The following WDR59 variants were observed in gnomAD, a reference collection of about 807,000 sequenced individuals.
WDR59 encodes WD repeat domain 59, also known as GATOR2 complex protein WDR59.
Under a neutral mutation model 131.2 loss-of-function variants are expected in WDR59, and 100 were observed. The ratio of observed to expected loss-of-function variants is 0.76; its 90% CI spans 0.65 to 0.90. The LOEUF is 0.90. Ranked by LOEUF, WDR59 falls within the 40% of genes least tolerant of loss-of-function variation. The pLI is 0.00. For missense variants in WDR59, 1,203 were observed against 1,262.2 expected, an observed-to-expected ratio of 0.95 and a Z score of 0.71; for synonymous variants, 601 against 466.2, an observed-to-expected ratio of 1.29 and a Z score of -3.72.
At chr16:74,881,040 A>G (rs1339727722) in intron 25 of WDR59, among the ~76,000 whole-genome samples, 2 of 152,224 alleles carry the variant, frequency 1.3e-5, no homozygotes, top group African/African-American at 2.4e-5. Flanking sequence ...TGGCTGGGAA[A>G]GCGATCGCTT....
chr16:74,888,886 C>T (rs1424101454), intron 21 of WDR59, among the ~76,000 whole-genome samples: 1 of 152,178 alleles, frequency 6.6e-6, no homozygotes, highest in Non-Finnish European at 1.5e-5. Flanking sequence ...TTTGTCCTTT[C>T]AGGAAGATTA....
intron 7 of WDR59, among the ~76,000 whole-genome samples, chr16:74,939,715 G>A (rs2032072323): frequency 6.6e-6 from 1 of 152,124 alleles, no homozygotes; most frequent in South Asian, 2.1e-4. Context: ...CAGGCTGGGT[G>A]GAGTGGCTCA....
At chr16:74,943,111 C>T (rs897842688) in intron 6 of WDR59, among the ~76,000 whole-genome samples, 2 of 152,196 alleles carry the variant, frequency 1.3e-5, no homozygotes, top group African/African-American at 4.8e-5. Context: ...TAGTTTCTTA[C>T]AGAGCAGTAG....
At chr16:74,954,755 T>C (rs1567429226) in intron 3 of WDR59, among the ~76,000 whole-genome samples, 1 of 152,188 alleles carries the variant, frequency 6.6e-6, no homozygotes, top group Non-Finnish European at 1.5e-5. Context: ...AGATAAACAA[T>C]TACACAATGG....
intron 7 of WDR59, among the ~76,000 whole-genome samples, chr16:74,942,389 C>A (rs1302642795): frequency 6.6e-6 from 1 of 152,078 alleles, no homozygotes; most frequent in Admixed American, 6.6e-5. Context: ...TAGAATAGCG[C>A]CTGGGCTCCA....
chr16:74,979,495 AAAC>A (rs1567448598), intron 1 of WDR59, among the ~76,000 whole-genome samples: 111 of 150,244 alleles, frequency 7.4e-4, no homozygotes, highest in African/African-American at 2.4e-3. Context: ...CAAAACAAAC[AAAC>A]AAAAAAACAG....
At chr16:74,959,571 G>T (rs2033466076) in intron 2 of WDR59, 1 of 449,444 alleles carries the variant, frequency 2.2e-6, no homozygotes, top group South Asian at 1.6e-5. Context: ...AGACCAGCCT[G>T]GGCAACCTGG....
chr16:74,979,586 G>A lies in WDR59; in HGVS notation c.54+5378C>T, dbSNP rs2034318363. Among the ~76,000 whole-genome samples the A allele has an allele frequency of 2.0e-5, 3 of 151,650 alleles. No individual in the cohort carries two copies. The South Asian group carries it at 6.3e-4, about 32-fold the overall frequency. On this transcript the variant is annotated intron_variant, in intron 1 of 25. Transcript: ENST00000262144. The stretch of plus-strand genomic sequence containing the variant: ...ATGGAGTCTCGCTCTTGTCACCCAG[G>A]CTGGAGTGCAGTGGCACGATCTAGG...
In WDR59 at chr16:74,885,702, A is replaced by C; in HGVS notation, c.2640T>G (p.Ala880=). ...GACAGGAGACAAACTTCAACACTTCAGCTCGCTTCTCTCTCAGACCCCAAC... is the reference window on the plus strand; with the variant it reads ...GACAGGAGACAAACTTCAACACTTCCGCTCGCTTCTCTCTCAGACCCCAAC... The part of the protein sequence containing the change: ...LYRWGLREKR[A]EVLKFVSCPP... Residue 880 remains alanine (A), a synonymous_variant, in exon 25 of 26, where the codon GCT becomes GCG. Transcript: ENST00000262144. The C allele has an allele frequency of 6.2e-7, 1 of 1,614,140 alleles. No homozygotes were observed. Among genetic ancestry groups the C allele is most frequent in the South Asian group, 1.1e-5 (1 of 91,086 alleles).
At chr16:74,951,337 C>G (rs2032987936) in intron 4 of WDR59, 121 bp downstream of exon 4, 1 of 952,324 alleles carries the variant, frequency 1.1e-6, no homozygotes, top group African/African-American at 1.6e-5. Context: ...ACCCGCTGAC[C>G]ACCCGGGACC....
At chr16:74,903,006 T>G (rs1965626868) in intron 18 of WDR59, among the ~76,000 whole-genome samples, 1 of 152,164 alleles carries the variant, frequency 6.6e-6, no homozygotes, top group South Asian at 2.1e-4. Flanking sequence ...TGCCACTCAT[T>G]TTAGTCACAT....
intron 1 of WDR59, among the ~76,000 whole-genome samples, chr16:74,976,559 A>G (rs535248140): frequency 6.6e-6 from 1 of 150,754 alleles, no homozygotes; most frequent in Non-Finnish European, 1.5e-5. Context: ...CTCCTGCCTC[A>G]GCCTCCTGAG....
chr16:74,904,369 C>A, intron 17 of WDR59: 1 of 371,122 alleles, frequency 2.7e-6, no homozygotes, highest in South Asian at 3.3e-5. Flanking sequence ...CTACAAATAT[C>A]TACTATAGTT....
chr16:74,943,241 T>C (rs199985702), intron 6 of WDR59, among the ~76,000 whole-genome samples: 46 of 42,586 alleles, frequency 1.1e-3, no homozygotes, highest in Admixed American at 2.2e-3. Context: ...GCCTGCCCCC[T>C]TTTTTTTTTT....
intron 8 of WDR59, among the ~76,000 whole-genome samples, chr16:74,935,682 C>G (rs1041505982): frequency 6.6e-6 from 1 of 152,002 alleles, no homozygotes; most frequent in Non-Finnish European, 1.5e-5. Flanking sequence ...TGCAAAGTCC[C>G]TTTTCTAAGT....
At chr16:74,974,997 T>A (rs1020110586) in intron 1 of WDR59, among the ~76,000 whole-genome samples, 1 of 152,184 alleles carries the variant, frequency 6.6e-6, no homozygotes, top group Non-Finnish European at 1.5e-5. Context: ...AGCCTCCTTA[T>A]AAGTCACTGA....
At chr16:74,947,536 A>G (rs2032723882) in intron 6 of WDR59, among the ~76,000 whole-genome samples, 1 of 152,224 alleles carries the variant, frequency 6.6e-6, no homozygotes, top group Non-Finnish European at 1.5e-5. Flanking sequence ...GAAATATATC[A>G]ACCACTTACA....
At position 74,918,024 on chromosome 16, in the gene WDR59, T is replaced by C. The variant is rs1283653706; in HGVS notation, c.887-16A>G. On this transcript the variant is annotated splice_polypyrimidine_tract_variant and intron_variant, in intron 10 of 25. Transcript: ENST00000262144. Reference sequence around the variant, plus strand: ...TCCTTGGACCCTAGAAATCACCAAATAAGAATCCTGGAAATTCTTCTGGAT... The same window carrying C: ...TCCTTGGACCCTAGAAATCACCAAACAAGAATCCTGGAAATTCTTCTGGAT... 1 of 1,612,014 alleles carries C rather than the reference T, an allele frequency of 6.2e-7. No homozygotes were observed.
chr16:74,973,585 G>A (rs761437113), intron 1 of WDR59, among the ~76,000 whole-genome samples: 3 of 152,154 alleles, frequency 2.0e-5, no homozygotes, highest in Non-Finnish European at 4.4e-5. Context: ...ACCATGCTTG[G>A]CCCAACAGTT....
Sources: allele counts gnomAD v4.1 joint callset (sites outside exome capture counted in the v4.1 genomes callset), GRCh38; gene constraint gnomAD v4.1.1; transcripts MANE v1.5; gene names NCBI Gene and HGNC (gene_info 2026-07-23, HGNC 2026-07-21).